Variants in NPAS4 observed in about 807,000 individuals in gnomAD.
NPAS4 encodes the protein neuronal PAS domain protein 4, also known as neuronal PAS domain-containing protein 4.
In NPAS4, 10 loss-of-function variants were observed where a neutral mutation model predicts 64.0. The observed-to-expected ratio is 0.16, with a 90% confidence interval of 0.10 to 0.26. The LOEUF (loss-of-function observed/expected upper bound fraction) is 0.26, where lower values mean the gene tolerates loss of function less well. NPAS4 is among the 10% of genes least tolerant of loss of function. NPAS4 has a pLI of 1.00. For synonymous variants in NPAS4, 441 were observed against 411.7 expected (o/e 1.07, Z -0.86); for missense variants, 886 against 992.6 (o/e 0.89, Z 1.44).
chr11:66,418,886 G>A (rs943212592), upstream of NPAS4, among the ~76,000 whole-genome samples: 50 of 152,272 alleles, frequency 3.3e-4, 1 homozygote, highest in Admixed American at 2.7e-3. Flanking sequence ...CACGGACAGC[G>A]GTCGGCGCAG....
upstream of NPAS4, among the ~76,000 whole-genome samples, chr11:66,420,799 C>A (rs1168729148): frequency 6.6e-6 from 1 of 152,234 alleles, no homozygotes; most frequent in Non-Finnish European, 1.5e-5. Context: ...CAGCTCCCGC[C>A]AGGCTTGGCC....
At chr11:66,422,974 G>A (rs370475029) in intron 4 of NPAS4, 33 bp downstream of exon 4, 121 of 1,595,724 alleles carry the variant, frequency 7.6e-5, no homozygotes, top group Non-Finnish European at 1.0e-4. Flanking sequence ...CCAAGAGAAA[G>A]GCAGGCCAGA....
upstream of NPAS4, among the ~76,000 whole-genome samples, chr11:66,418,327 C>A (rs754110483): frequency 1.2e-4 from 18 of 152,176 alleles, no homozygotes; most frequent in Non-Finnish European, 2.6e-4. Context: ...TTTTTAGCAG[C>A]GGCCAGGAGC....
chr11:66,425,767 T>C (rs1038454940), intron 7 of NPAS4, among the ~76,000 whole-genome samples, 194 bp from the exon 8 acceptor site: 2 of 152,148 alleles, frequency 1.3e-5, no homozygotes, highest in Non-Finnish European at 2.9e-5. Context: ...TACAGCCCCA[T>C]CCTTCCTAAA....
At chr11:66,416,920 C>T (rs2134635967), upstream of NPAS4, 1 of 152,210 alleles carries the variant, frequency 6.6e-6, no homozygotes, top group African/African-American at 2.4e-5. Context: ...CTCACCCACC[C>T]TTCAACTCCT....
At chr11:66,423,065 T>G (rs1034441514) in intron 4 of NPAS4, 58 bp from the exon 5 acceptor site, 1 of 1,491,100 alleles carries the variant, frequency 6.7e-7, no homozygotes, top group Non-Finnish European at 9.2e-7. Flanking sequence ...GGGAGTGAGA[T>G]GCATGGGTAT....
In NPAS4 at chr11:66,424,618, A is replaced by C. The variant is rs1388925631; in HGVS notation, c.1728A>C (p.Pro576=). Residue 576 remains proline, a synonymous_variant, in exon 7 of 8, where the codon CCA becomes CCC. Transcript: ENST00000311034. ...GCSFLYEKLP[P]SPSSPGNGDC... ...GTTTTCTCTATGAGAAGTTGCCCCC[A>C]AGTCCTAGCAGCCCTGGTAATGGGG... 1 of 1,614,034 alleles carries C rather than the reference A, an allele frequency of 6.2e-7. No homozygotes were observed. The highest frequency in any genetic ancestry group is 1.7e-5 in the Admixed American group (1 of 60,014).
At chr11:66,416,878 G>A (rs1856677253), upstream of NPAS4, 1 of 152,082 alleles carries the variant, frequency 6.6e-6, no homozygotes, top group South Asian at 2.1e-4. Flanking sequence ...TAGCAGCCAG[G>A]AGTCTCCATG....
rs142212942 is a variant in NPAS4 at position 66,422,484 on chromosome 11, G to C, written c.361G>C (p.Asp121His). ...GGTTGCCCAGGGTGACAGCATCTAC[G>C]ACATCATTGACCCAGCTGACCACCT... Reference protein sequence around the residue: ...DLVAQGDSIYDIIDPADHLTV... With the variant: ...DLVAQGDSIYHIIDPADHLTV... Residue 121 changes from aspartate to histidine, a missense_variant, in exon 3 of 8, where the codon GAC becomes CAC. Around this residue, in one of 3 missense-constraint regions of NPAS4, gnomAD observed 820 missense variants for 855.5 expected, o/e 0.96. Coordinates refer to ENST00000311034, the MANE Select transcript of NPAS4 (RefSeq NM_178864.4). The C allele has an allele frequency of 2.5e-6, 4 of 1,613,796 alleles. No homozygotes were observed. The highest frequency in any genetic ancestry group is 3.4e-6 in the Non-Finnish European group (4 of 1,179,964).
chr11:66,411,237 A>C, the NPAS4 span, among the ~76,000 whole-genome samples: 1 of 152,198 alleles, frequency 6.6e-6, no homozygotes, highest in African/African-American at 2.4e-5. Context: ...CCAAAGCCCA[A>C]GAGGCACTGG....
chr11:66,420,985 C>A, upstream of NPAS4: 2 of 544,006 alleles, frequency 3.7e-6, no homozygotes, highest in South Asian at 5.0e-5. Flanking sequence ...CTAAAACGAG[C>A]CCCCCACGCC....
chr11:66,422,964 C>T, intron 4 of NPAS4, 23 bp downstream of exon 4: 1 of 1,597,984 alleles, frequency 6.3e-7, no homozygotes, highest in African/African-American at 1.3e-5. Flanking sequence ...TGTTCAGATT[C>T]CAAGAGAAAG....
the NPAS4 span, among the ~76,000 whole-genome samples, chr11:66,415,090 C>T: frequency 1.3e-5 from 2 of 152,166 alleles, no homozygotes; most frequent in Non-Finnish European, 2.9e-5. Flanking sequence ...CCCTGAGACC[C>T]CCCTGCCCAA....
chr11:66,413,337 G>A, the NPAS4 span, among the ~76,000 whole-genome samples: 1 of 152,282 alleles, frequency 6.6e-6, no homozygotes, highest in African/African-American at 2.4e-5. Flanking sequence ...AGGGTGGCAG[G>A]CCAGGGACTG....
In NPAS4 at chr11:66,424,940, C is replaced by T; in HGVS notation, c.2050C>T (p.Leu684=). The stretch of plus-strand genomic sequence containing the variant: ...AGGGGCAGGCCCCCCTGTGCTCAGC[C>T]TGGACCTGAAACCCTGGAAATGCCA... ...LSGAGPPVLS[L]DLKPWKCQEL... Residue 684 remains leucine (L), a synonymous_variant, in exon 7 of 8, where the codon CTG becomes TTG. Transcript: ENST00000311034. 2 of 1,614,114 alleles carry T rather than the reference C, an allele frequency of 1.2e-6. No individual in the cohort carries two copies. Among genetic ancestry groups the T allele is most frequent in the Non-Finnish European group, 1.7e-6 (2 of 1,180,018 alleles).
At chr11:66,419,708 G>A (rs1856709780), upstream of NPAS4, among the ~76,000 whole-genome samples, 1 of 151,920 alleles carries the variant, frequency 6.6e-6, no homozygotes, top group Non-Finnish European at 1.5e-5. Context: ...GGGGGGGTGG[G>A]GATAGGGCAA....
chr11:66,423,931 T>C lies in NPAS4; in HGVS notation c.1041T>C (p.Pro347=), dbSNP rs780551996. Residue 347 remains proline (P), a synonymous_variant, in exon 7 of 8, where the codon CCT becomes CCC. Coordinates refer to ENST00000311034, the MANE Select transcript of NPAS4 (RefSeq NM_178864.4). The part of the protein sequence containing the change: ...LGTPTMLPSF[P]ENILSQEECS... The stretch of plus-strand genomic sequence containing the variant: ...CTCCGACCATGCTGCCCTCATTCCC[T>C]GAAAACATTCTTTCCCAGGAAGAGT... 2.1e-5 allele frequency: 34 copies of C among 1,614,106 alleles called. No homozygotes were observed. The highest frequency in any genetic ancestry group is 2.8e-5 in the Non-Finnish European group (33 of 1,179,988).
Position 66,424,622 on chromosome 11 carries a change from C to T in NPAS4, c.1732C>T (p.Pro578Ser), listed in dbSNP as rs1164874143. The T allele has an allele frequency of 6.2e-7, 1 of 1,614,180 alleles. No homozygotes were observed. Among genetic ancestry groups the T allele is most frequent in the Non-Finnish European group, 8.5e-7 (1 of 1,180,030 alleles). Residue 578 changes from proline to serine, a missense_variant, in exon 7 of 8, where the codon CCT (proline) becomes TCT (serine). Coordinates refer to ENST00000311034, the MANE Select transcript of NPAS4 (RefSeq NM_178864.4). ...SFLYEKLPPS[P>S]SSPGNGDCTL... is the part of the protein sequence containing the mutation. ...TCTCTATGAGAAGTTGCCCCCAAGTCCTAGCAGCCCTGGTAATGGGGACTG... is the reference window on the plus strand; with the variant it reads ...TCTCTATGAGAAGTTGCCCCCAAGTTCTAGCAGCCCTGGTAATGGGGACTG...
chr11:66,423,656 G>C lies in NPAS4; in HGVS notation c.887G>C (p.Cys296Ser), dbSNP rs2134644919. Residue 296 changes from cysteine to serine, a missense_variant, in exon 6 of 8, where the codon TGC becomes TCC. Cys to Ser is a moderately radical substitution (Grantham distance 112). Transcript: ENST00000311034. ...ACTGGAGGCTGGGCATGGATTTACT[G>C]CCTGTTATACTCAGAAGGTCCAGAG... ...AKTGGWAWIYCLLYSEGPEGP... is the reference protein window; with the variant it reads ...AKTGGWAWIYSLLYSEGPEGP... The C allele has an allele frequency of 6.2e-7, 1 of 1,614,172 alleles. No homozygotes were observed. The highest frequency in any genetic ancestry group is 8.5e-7 in the Non-Finnish European group (1 of 1,180,022).
Sources: allele counts gnomAD v4.1 joint callset (sites outside exome capture counted in the v4.1 genomes callset), GRCh38; gene constraint gnomAD v4.1.1; regional missense constraint gnomAD v4.1.1; transcripts MANE v1.5; gene names NCBI Gene and HGNC (gene_info 2026-07-23, HGNC 2026-07-21).